Variants in ADAM29 observed in about 807,000 individuals in gnomAD.
ADAM29 encodes the protein ADAM metallopeptidase domain 29.
For synonymous variants in ADAM29, 367 were observed against 342.3 expected (o/e 1.07, Z -0.80); for missense variants, 969 against 1,001.8 (o/e 0.97, Z 0.44).
chr4:174,949,669 G>A (rs925435490), intron 4 of ADAM29, among the ~76,000 whole-genome samples: 2 of 151,652 alleles, frequency 1.3e-5, no homozygotes, highest in South Asian at 2.1e-4. Context: ...AGTCTGCCCC[G>A]TATCACAGTC....
intron 2 of ADAM29, among the ~76,000 whole-genome samples, chr4:174,925,071 C>A (rs1743423572): frequency 6.6e-6 from 1 of 152,138 alleles, no homozygotes; most frequent in Admixed American, 6.6e-5. Context: ...CAACAAAATA[C>A]CTTCCCAGTA....
chr4:174,972,316 G>A (rs759504998), intron 4 of ADAM29, among the ~76,000 whole-genome samples: 2 of 152,098 alleles, frequency 1.3e-5, no homozygotes, highest in South Asian at 2.1e-4. Flanking sequence ...GACTAGCCTT[G>A]TATAGGAGGA....
At chr4:174,943,166 AGC>A (rs1192144805) in intron 4 of ADAM29, among the ~76,000 whole-genome samples, 2 of 152,188 alleles carry the variant, frequency 1.3e-5, no homozygotes, top group Non-Finnish European at 2.9e-5. Flanking sequence ...TACCACTATT[AGC>A]ATGTTGATCA....
intron 1 of ADAM29, among the ~76,000 whole-genome samples, chr4:174,920,033 T>C (rs62334413): frequency 0.038 from 5,781 of 152,274 alleles, 181 homozygotes; most frequent in Non-Finnish European, 0.059. Context: ...TATATAGGCA[T>C]TTCATGCTTT....
intron 2 of ADAM29, among the ~76,000 whole-genome samples, chr4:174,923,523 A>ATGTGTG (rs879750030): frequency 1.1e-5 from 1 of 91,756 alleles, no homozygotes; most frequent in Admixed American, 1.2e-4. Flanking sequence ...TGTGCATTAT[A>ATGTGTG]TGTATATATA....
At chr4:174,936,321 A>G (rs1179382380) in intron 3 of ADAM29, among the ~76,000 whole-genome samples, 2 of 152,038 alleles carry the variant, frequency 1.3e-5, no homozygotes, top group Non-Finnish European at 2.9e-5. Context: ...GTGCCTAATT[A>G]AGATTTTGAA....
Position 174,975,516 on chromosome 4 carries a change from C to A in ADAM29, c.-10C>A. On this transcript the variant is annotated 5_prime_UTR_variant, in exon 5 of 5. Transcript: ENST00000359240. ...CTTCAAAATCACTGTGATTTGAAGC[C>A]TTTTTGAACATGAAGATGTTACTCC... 1 of 1,497,516 alleles carries A rather than the reference C, an allele frequency of 6.7e-7. No individual in the cohort carries two copies. Among genetic ancestry groups the A allele is most frequent in the Admixed American group, 2.4e-5 (1 of 42,550 alleles). The allele number at this position is 1,497,516 out of a possible 1,614,324, so 92.8% of individuals were successfully genotyped here.
rs975874903 is a variant in ADAM29, at chr4:174,975,399, C to T, written c.-127C>T. On this transcript the variant is annotated 5_prime_UTR_variant, in exon 5 of 5. Transcript: ENST00000359240. ...CAAAAGATGGATCTTTAATGATTAG[C>T]ACTACACACTGACCAACTCAGAAGA... 17 of 818,622 alleles carry T rather than the reference C, an allele frequency of 2.1e-5. No individual in the cohort carries two copies. The highest frequency in any genetic ancestry group is 1.4e-5 in the Non-Finnish European group (8 of 556,114). The allele number at this position is 818,622 out of a possible 1,614,324, so 50.7% of individuals were successfully genotyped here.
At chr4:174,928,451 G>A (rs916819965) in intron 2 of ADAM29, among the ~76,000 whole-genome samples, 1 of 151,780 alleles carries the variant, frequency 6.6e-6, no homozygotes, top group Non-Finnish European at 1.5e-5. Flanking sequence ...TTAGCCCTGG[G>A]GGAGCTGTGC....
At chr4:174,931,886 G>A (rs1450647303) in intron 3 of ADAM29, among the ~76,000 whole-genome samples, 3 of 151,888 alleles carry the variant, frequency 2.0e-5, no homozygotes, top group Non-Finnish European at 2.9e-5. Context: ...TGTTTTGAAT[G>A]TTTTGGTTAA....
At chr4:174,954,295 T>C (rs2111031774) in intron 4 of ADAM29, among the ~76,000 whole-genome samples, 1 of 152,332 alleles carries the variant, frequency 6.6e-6, no homozygotes, top group East Asian at 1.9e-4. Context: ...ATCTTTGTCA[T>C]TTATATTTTG....
intron 2 of ADAM29, among the ~76,000 whole-genome samples, chr4:174,926,831 T>A (rs1218055319): frequency 6.6e-6 from 1 of 151,682 alleles, no homozygotes; most frequent in Non-Finnish European, 1.5e-5. Flanking sequence ...GCTATCTATA[T>A]GGCTACCACC....
intron 4 of ADAM29, among the ~76,000 whole-genome samples, chr4:174,962,406 G>A (rs553031078): frequency 1.3e-5 from 2 of 152,020 alleles, no homozygotes; most frequent in South Asian, 4.2e-4. Context: ...CAGCTACTCG[G>A]GAGGCTGAGG....
intron 4 of ADAM29, among the ~76,000 whole-genome samples, chr4:174,954,770 T>C (rs969124407): frequency 6.6e-6 from 1 of 152,134 alleles, no homozygotes; most frequent in African/African-American, 2.4e-5. Context: ...GAGATGATCA[T>C]CCATCTCAGG....
intron 2 of ADAM29, among the ~76,000 whole-genome samples, chr4:174,930,489 A>T (rs932818215): frequency 6.6e-6 from 1 of 152,170 alleles, no homozygotes; most frequent in African/African-American, 2.4e-5. Context: ...ATAATTTATA[A>T]AGCAAAATTA....
rs772247935 is a variant in ADAM29, at chr4:174,977,939, A to G, written c.2414A>G (p.Gln805Arg). 2 of 1,578,136 alleles carry G rather than the reference A, an allele frequency of 1.3e-6. No homozygotes were observed. Among genetic ancestry groups the G allele is most frequent in the South Asian group, 2.3e-5 (2 of 87,710 alleles). Reference protein sequence around the residue: ...SQPPVTPSQRQPQLMPSQSQP... With the variant: ...SQPPVTPSQRRPQLMPSQSQP... ...CCTCCTGTGACACCCTCCCAGAGGC[A>G]ACCTCAGTTGATGCCTTCCCAGAGT... The change falls in exon 5 of 5, where the codon CAA (glutamine) becomes CGA (arginine). Residue 805 changes from glutamine to arginine, a missense_variant. Coordinates refer to ENST00000359240, the MANE Select transcript of ADAM29 (RefSeq NM_014269.4).
chr4:174,929,512 C>T (rs1743719992), intron 2 of ADAM29, among the ~76,000 whole-genome samples: 1 of 152,034 alleles, frequency 6.6e-6, no homozygotes, highest in Admixed American at 6.6e-5. Flanking sequence ...AAGGCAGAGT[C>T]CCTGCTGGTG....
At chr4:174,939,166 T>C (rs553762183) in intron 4 of ADAM29, among the ~76,000 whole-genome samples, 3 of 152,150 alleles carry the variant, frequency 2.0e-5, no homozygotes, top group Non-Finnish European at 4.4e-5. Context: ...TTCCTGGGGT[T>C]AGGACATGGG....
rs745733667 is a variant in ADAM29 at position 174,975,964 on chromosome 4, C to A, written c.439C>A (p.His147Asn). The A allele has an allele frequency of 1.2e-6, 2 of 1,614,054 alleles. No individual in the cohort carries two copies. The highest frequency in any genetic ancestry group is 2.2e-5 in the South Asian group (2 of 91,064). The change falls in exon 5 of 5, where the codon CAT becomes AAT. Residue 147 changes from histidine (H) to asparagine (N), a missense_variant. Physicochemically the swap from His to Asn is moderately conservative, Grantham distance 68. Transcript: ENST00000359240. ...CCTAGCATTTTCTACCACGTTTGAA[C>A]ATCTGGTATACAAGATGGACAGTGA... Reference protein sequence around the residue: ...KPLAFSTTFEHLVYKMDSEEK... With the variant: ...KPLAFSTTFENLVYKMDSEEK...
Sources: gnomAD v4.1 joint callset for allele counts (sites outside exome capture counted in the v4.1 genomes callset) on GRCh38, gnomAD v4.1.1 for gene constraint, MANE v1.5 for transcripts, NCBI Gene and HGNC (gene_info 2026-07-23, HGNC 2026-07-21) for gene names.